NBEA: variants seen among roughly 807,000 people sequenced by gnomAD.
NBEA encodes the protein neurobeachin, also known as lysosomal-trafficking regulator 2.
A neutral mutation model predicts 343.4 loss-of-function variants in NBEA; 44 were observed. The ratio of observed to expected loss-of-function variants is 0.13; its 90% CI spans 0.10 to 0.16. The LOEUF (loss-of-function observed/expected upper bound fraction) is 0.16, where lower values mean the gene tolerates loss of function less well. NBEA is among the 10% of genes least tolerant of loss of function. The probability of loss-of-function intolerance (pLI) is 1.00; values close to 1 mark genes in which losing one functional copy is unlikely to be tolerated. For synonymous variants in NBEA, 1,175 were observed against 1,238.7 expected, an observed-to-expected ratio of 0.95 and a Z score of 1.08; for missense variants, 2,555 against 3,631.3, an observed-to-expected ratio of 0.70 and a Z score of 7.62.
intron 34 of NBEA, among the ~76,000 whole-genome samples, chr13:35,275,222 T>A (rs2034491243): frequency 6.6e-6 from 1 of 152,174 alleles, no homozygotes; most frequent in Non-Finnish European, 1.5e-5. Context: ...AACCATCTGA[T>A]CTTTGACAAA....
chr13:35,047,015 A>G (rs1036909143), intron 4 of NBEA, among the ~76,000 whole-genome samples: 2 of 152,192 alleles, frequency 1.3e-5, no homozygotes, highest in South Asian at 2.1e-4. Flanking sequence ...TTCATTATAT[A>G]TTTGGAATGT....
chr13:35,569,834 C>T (rs1182103596), intron 45 of NBEA, among the ~76,000 whole-genome samples: 1 of 152,084 alleles, frequency 6.6e-6, no homozygotes, highest in Admixed American at 6.5e-5. Flanking sequence ...GAAACACTGG[C>T]CCAGCCAAAG....
Position 35,195,888 on chromosome 13 carries a change from C to A in NBEA, c.4952C>A (p.Thr1651Asn). Residue 1651 changes from threonine to asparagine, a missense_variant, in exon 31 of 59, where the codon ACC becomes AAC. Thr to Asn is a moderately conservative substitution (Grantham distance 65). This residue lies in a region of NBEA where 270 missense variants were observed against 293.3 expected (regional missense o/e 0.92). Transcript: ENST00000379939. Reference protein sequence around the residue: ...YKETPAAFPDTIKEKETPTPG... With the variant: ...YKETPAAFPDNIKEKETPTPG... ...GAAACACCTGCTGCATTTCCAGACA[C>A]CATAAAAGAAAAAGAAACACCAACT... 3.7e-6 allele frequency: 6 copies of A among 1,606,030 alleles called. No individual in the cohort carries two copies. The highest frequency in any genetic ancestry group is 1.7e-5 in the Admixed American group (1 of 58,390).
chr13:35,071,466 A>G (rs1388833705), intron 10 of NBEA, among the ~76,000 whole-genome samples: 1 of 152,010 alleles, frequency 6.6e-6, no homozygotes, highest in Non-Finnish European at 1.5e-5. Flanking sequence ...TTTATTAAAA[A>G]AAACCTTATG....
chr13:35,150,265 A>C lies in NBEA; in HGVS notation c.2446-5509A>C, dbSNP rs750761308. Among the ~76,000 whole-genome samples the C allele has an allele frequency of 5.9e-5, 9 of 152,256 alleles. 1 individual carries two copies. Among genetic ancestry groups the C allele is most frequent in the East Asian group, 1.9e-4 (1 of 5,206 alleles). ...AAAAGAAAAGTTAATGTAAGTGTAC[A>C]AAATGCCAAAAGAGAGAGATGATAA... On this transcript the variant is annotated intron_variant, in intron 18 of 58. Transcript: ENST00000379939.
At chr13:35,336,505 C>T (rs2039271275) in intron 36 of NBEA, among the ~76,000 whole-genome samples, 1 of 152,070 alleles carries the variant, frequency 6.6e-6, no homozygotes, top group South Asian at 2.1e-4. Flanking sequence ...CCATTTAACC[C>T]AGCAATCCCA....
chr13:35,014,558 A>G (rs1226230374), intron 1 of NBEA, among the ~76,000 whole-genome samples: 1 of 152,230 alleles, frequency 6.6e-6, no homozygotes, highest in East Asian at 1.9e-4. Flanking sequence ...TACCTAGCTC[A>G]CTAAACTAAT....
chr13:35,128,811 T>C (rs948683461), intron 17 of NBEA, among the ~76,000 whole-genome samples: 10 of 152,168 alleles, frequency 6.6e-5, no homozygotes, highest in African/African-American at 2.4e-4. Context: ...ATTTCATTTA[T>C]ACAAAGAGAT....
At chr13:35,219,612 C>T (rs1201530678) in intron 33 of NBEA, among the ~76,000 whole-genome samples, 1 of 152,020 alleles carries the variant, frequency 6.6e-6, no homozygotes, top group African/African-American at 2.4e-5. Context: ...TGAAAATTCC[C>T]AGTATCTGCA....
intron 30 of NBEA, chr13:35,185,965 A>G (rs2071673393): frequency 6.6e-6 from 1 of 152,094 alleles, no homozygotes; most frequent in South Asian, 2.1e-4. Flanking sequence ...AACAAAAGTT[A>G]AAATCTTAGA....
chr13:35,631,210 T>C (rs2083436740), intron 49 of NBEA, among the ~76,000 whole-genome samples: 1 of 152,180 alleles, frequency 6.6e-6, no homozygotes, highest in South Asian at 2.1e-4. Context: ...AAGTACAGCA[T>C]ATTCATTATT....
At chr13:35,476,485 A>G in intron 41 of NBEA, 1 of 739,782 alleles carries the variant, frequency 1.4e-6, no homozygotes, top group Non-Finnish European at 2.3e-6. Flanking sequence ...TCACCTTCTC[A>G]GGAATAAAAA....
chr13:35,564,796 A>G (rs1234779479), intron 44 of NBEA, among the ~76,000 whole-genome samples: 1 of 152,098 alleles, frequency 6.6e-6, no homozygotes, highest in Non-Finnish European at 1.5e-5. Flanking sequence ...ATATACCTCT[A>G]CGCCTTTGCA....
chr13:35,402,353 TA>T (rs2043039943), intron 38 of NBEA, among the ~76,000 whole-genome samples: 1 of 152,056 alleles, frequency 6.6e-6, no homozygotes, highest in Admixed American at 6.6e-5. Context: ...ATGCCATTTT[TA>T]AAAATATTTA....
intron 38 of NBEA, among the ~76,000 whole-genome samples, chr13:35,415,917 T>C (rs2043877749): frequency 6.6e-6 from 1 of 152,220 alleles, no homozygotes; most frequent in Non-Finnish European, 1.5e-5. Context: ...CATTGAGCAG[T>C]GGTTTGTAGT....
At chr13:35,100,636 C>T (rs1182992773) in intron 11 of NBEA, among the ~76,000 whole-genome samples, 1 of 151,798 alleles carries the variant, frequency 6.6e-6, no homozygotes, top group African/African-American at 2.4e-5. Context: ...TTACTTAAAA[C>T]TTAGCTTATA....
At position 35,182,511 on chromosome 13, in the gene NBEA, A is replaced by T; in HGVS notation, c.4814A>T (p.Asn1605Ile). ...QPGRNIRQEI[N>I]SPTSTVVVIP... Reference sequence around the variant, plus strand: ...GGTAGAAACATCAGGCAAGAAATAAATTCACCAACAAGTACAGGTACTTAA... The same window carrying T: ...GGTAGAAACATCAGGCAAGAAATAATTTCACCAACAAGTACAGGTACTTAA... The change falls in exon 29 of 59, where the codon AAT (asparagine) becomes ATT (isoleucine). Residue 1605 changes from asparagine (N) to isoleucine (I), a missense_variant. By Grantham distance (149) the Asn-to-Ile change is moderately radical. This residue lies in a region of NBEA where 270 missense variants were observed against 293.3 expected (regional missense o/e 0.92). Transcript: ENST00000379939. 1 of 1,609,752 alleles carries T rather than the reference A, an allele frequency of 6.2e-7. No homozygotes were observed. Among genetic ancestry groups the T allele is most frequent in the Non-Finnish European group, 8.5e-7 (1 of 1,177,124 alleles).
intron 38 of NBEA, among the ~76,000 whole-genome samples, chr13:35,360,802 A>G (rs1191069598): frequency 1.3e-5 from 2 of 152,034 alleles, no homozygotes; most frequent in Non-Finnish European, 2.9e-5. Flanking sequence ...AATTGAAGAA[A>G]AGAGAGAAAT....
At chr13:35,471,319 C>G (rs556080485) in intron 40 of NBEA, among the ~76,000 whole-genome samples, 2 of 152,204 alleles carry the variant, frequency 1.3e-5, no homozygotes, top group Admixed American at 1.3e-4. Flanking sequence ...GCTCTCCGCC[C>G]GGAGGGCCGA....
Sources: gnomAD v4.1 joint callset for allele counts (sites outside exome capture counted in the v4.1 genomes callset) on GRCh38, gnomAD v4.1.1 for gene constraint, gnomAD v4.1.1 regional missense constraint, MANE v1.5 for transcripts, NCBI Gene and HGNC (gene_info 2026-07-23, HGNC 2026-07-21) for gene names.